The following ANK1 variants were observed in gnomAD, a reference collection of about 807,000 sequenced individuals.
ANK1 encodes the protein ankyrin 1, also known as ankyrin-1.
In ANK1, 51 loss-of-function variants were observed where a neutral mutation model predicts 210.4. The ratio of observed to expected loss-of-function variants is 0.24; its 90% CI spans 0.19 to 0.31. ANK1 has a LOEUF of 0.31. Among genes scored for constraint, ANK1 ranks in the 10% least tolerant of loss-of-function variants. The probability of loss-of-function intolerance (pLI) is 1.00; values close to 1 mark genes in which losing one functional copy is unlikely to be tolerated. For synonymous variants in ANK1, 967 were observed against 1,025.9 expected (o/e 0.94, Z 1.10); for missense variants, 2,051 against 2,504.4 (o/e 0.82, Z 3.86).
At chr8:41,869,616 A>G (rs1815101629) in intron 1 of ANK1, among the ~76,000 whole-genome samples, 2 of 152,144 alleles carry the variant, frequency 1.3e-5, no homozygotes, top group Admixed American at 6.5e-5. Flanking sequence ...GGCCTTGAAC[A>G]CTGACCAGGG....
At chr8:41,672,266 C>G in intron 38 of ANK1, 88 bp downstream of exon 38, 1 of 1,441,044 alleles carries the variant, frequency 6.9e-7, no homozygotes. Flanking sequence ...GGGTTGGCAT[C>G]GACACCTCTG....
At chr8:41,748,891 C>T (rs544204952) in intron 2 of ANK1, among the ~76,000 whole-genome samples, 10 of 152,138 alleles carry the variant, frequency 6.6e-5, no homozygotes, top group South Asian at 2.1e-4. Flanking sequence ...AAAAATTAGC[C>T]GGGCGTGGTG....
At chr8:41,889,811 G>A (rs867736862) in intron 1 of ANK1, among the ~76,000 whole-genome samples, 13 of 152,202 alleles carry the variant, frequency 8.5e-5, no homozygotes, top group African/African-American at 3.1e-4. Context: ...CTGATATACA[G>A]CACTGGTGCC....
chr8:41,673,164 T>C (rs1481993694), intron 37 of ANK1, among the ~76,000 whole-genome samples: 1 of 151,908 alleles, frequency 6.6e-6, no homozygotes, highest in Non-Finnish European at 1.5e-5. Flanking sequence ...GAGGCAGAGA[T>C]GGGGGAGCGC....
At position 41,715,039 on chromosome 8, in the gene ANK1, G is replaced by A. The variant is rs771419825; in HGVS notation, c.1638C>T (p.Tyr546=). Residue 546 remains tyrosine (Y), a synonymous_variant, in exon 15 of 43, where the codon TAC becomes TAT. Transcript: ENST00000289734. Reference sequence around the variant, plus strand: ...GCAGCTCTGCCACCCGCACCTTCCCGTACTTGGCCGCCACGTGCAGAGGGG... The same window carrying A: ...GCAGCTCTGCCACCCGCACCTTCCCATACTTGGCCGCCACGTGCAGAGGGG... The part of the protein sequence containing the change: ...GFTPLHVAAK[Y]GKVRVAELLL... The A allele has an allele frequency of 3.7e-5, 60 of 1,613,990 alleles. 1 individual carries two copies. The highest frequency in any genetic ancestry group is 1.6e-4 in the East Asian group (7 of 44,878).
chr8:41,746,123 G>A (rs997219617), intron 2 of ANK1, among the ~76,000 whole-genome samples: 5 of 152,318 alleles, frequency 3.3e-5, no homozygotes, highest in African/African-American at 9.6e-5. Flanking sequence ...AGGGAAACCC[G>A]CTGATGGGGG....
Position 41,696,863 on chromosome 8 carries a change from C to T in ANK1, c.2638-90G>A, listed in dbSNP as rs143553290. ...GCGTGGAGGCTTGGAAGAACCTTGC[C>T]GCTAGAAACCAGGTGCCACGTGGAG... On this transcript the variant is annotated intron_variant, in intron 24 of 42. Transcript: ENST00000289734. 906 of 1,260,728 alleles carry T rather than the reference C, an allele frequency of 7.2e-4. 3 individuals are homozygous for T. Among genetic ancestry groups the T allele is most frequent in the Middle Eastern group, 4.4e-3 (17 of 3,896 alleles). The allele number at this position is 1,260,728 out of a possible 1,614,324, so 78.1% of individuals were successfully genotyped here.
rs900877336 is a variant in ANK1, at chr8:41,723,314, C to T, written c.811-91G>A. On this transcript the variant is annotated intron_variant, in intron 8 of 42. Transcript: ENST00000289734. ...GACTGCCTATGGCATCATCCCAGCC[C>T]ACGCAAGTGCTGACGTTTCCTCAAG... 11 of 1,391,226 alleles carry T rather than the reference C, an allele frequency of 7.9e-6. No individual in the cohort carries two copies. In the East Asian group the frequency reaches 2.5e-4, roughly 32 times the overall value. The allele number at this position is 1,391,226 out of a possible 1,614,324, so 86.2% of individuals were successfully genotyped here.
chr8:41,797,851 G>A (rs1849097693), upstream of ANK1, among the ~76,000 whole-genome samples: 1 of 152,012 alleles, frequency 6.6e-6, no homozygotes, highest in African/African-American at 2.4e-5. This position sits in a 1 kb window ranked among gnomAD's most constrained non-coding sequence, Gnocchi z 4.0. Context: ...GGGGAGAGCT[G>A]AGTTCAGAGC....
chr8:41,844,294 TAAG>T (rs999271902), intron 1 of ANK1, among the ~76,000 whole-genome samples: 4 of 152,138 alleles, frequency 2.6e-5, no homozygotes, highest in Non-Finnish European at 4.4e-5. Flanking sequence ...CCTGGTCCAA[TAAG>T]GACAGTCAGA....
chr8:41,841,855 G>GC (rs1234612985), intron 1 of ANK1, among the ~76,000 whole-genome samples: 1 of 152,212 alleles, frequency 6.6e-6, no homozygotes, highest in Non-Finnish European at 1.5e-5. Context: ...ACCACCTGTG[G>GC]CCAGGACCCT....
intron 1 of ANK1, among the ~76,000 whole-genome samples, chr8:41,854,797 T>A (rs1022906385): frequency 6.6e-6 from 1 of 152,002 alleles, no homozygotes; most frequent in Non-Finnish European, 1.5e-5. Context: ...ATTGTTTTTT[T>A]AAATTAGTCA....
intron 1 of ANK1, among the ~76,000 whole-genome samples, chr8:41,774,431 A>T (rs1843586947): frequency 6.6e-6 from 1 of 152,218 alleles, no homozygotes; most frequent in African/African-American, 2.4e-5. Context: ...ACGTGCTATT[A>T]TAGCCCCTGT....
In ANK1 at chr8:41,791,635, G is replaced by A. The variant is rs542336966; in HGVS notation, c.27+5877C>T. 9.2e-5 allele frequency among the ~76,000 whole-genome samples: 14 copies of A among 152,232 alleles called. No individual in the cohort carries two copies. The South Asian group carries it at 2.7e-3, about 29-fold the overall frequency. ...TTAGGCAGGGATGGGGTTTCACCACGTTGACCAGGAGGGTCTTGATCTCTT... is the reference window on the plus strand; with the variant it reads ...TTAGGCAGGGATGGGGTTTCACCACATTGACCAGGAGGGTCTTGATCTCTT... On this transcript the variant is annotated intron_variant, in intron 1 of 42. Coordinates refer to ENST00000289734, the MANE Select transcript of ANK1 (RefSeq NM_000037.4).
At chr8:41,723,938 C>T (rs4595112) in intron 7 of ANK1, among the ~76,000 whole-genome samples, 3 of 151,470 alleles carry the variant, frequency 2.0e-5, no homozygotes, top group Middle Eastern at 3.4e-3. Flanking sequence ...TACAGGCACG[C>T]GCCACCATGC....
intron 1 of ANK1, among the ~76,000 whole-genome samples, chr8:41,865,276 AT>A (rs1814173677): frequency 6.6e-6 from 1 of 152,170 alleles, no homozygotes; most frequent in Non-Finnish European, 1.5e-5. Context: ...CAGGAACTGC[AT>A]TTGCTGAGCC....
In ANK1 at chr8:41,728,349, C is replaced by T. The variant is rs76754137; in HGVS notation, c.229-343G>A. ...AAGTCAAATACTGCATGTTCTCACT[C>T]GTAAGTATGAGCTACATAATGTGCA... On this transcript the variant is annotated intron_variant, in intron 3 of 42. Coordinates refer to ENST00000289734, the MANE Select transcript of ANK1 (RefSeq NM_000037.4). Among the ~76,000 whole-genome samples, 1,000 of 152,282 alleles carry T rather than the reference C, an allele frequency of 6.6e-3. 4 individuals are homozygous for T. Among genetic ancestry groups the T allele is most frequent in the Middle Eastern group, 0.01 (3 of 294 alleles).
chr8:41,722,982 ATAG>A, intron 9 of ANK1, 140 bp downstream of exon 9: 1 of 802,732 alleles, frequency 1.2e-6, no homozygotes, highest in Non-Finnish European at 2.1e-6. Context: ...CTCCTACGTG[ATAG>A]GCCTTGTAAT....
At chr8:41,865,606 CCTCCCCTCCTCTGATTCT>C in intron 1 of ANK1, among the ~76,000 whole-genome samples, 1 of 152,142 alleles carries the variant, frequency 6.6e-6, no homozygotes, top group East Asian at 1.9e-4. Context: ...CTGCTAACTC[CCTCCCCTCCTCTGATTCT>C]CTCCCCTCCT....
Sources: gnomAD v4.1 joint callset for allele counts (sites outside exome capture counted in the v4.1 genomes callset) on GRCh38, gnomAD v4.1.1 for gene constraint, Gnocchi (gnomAD v3.1) non-coding constraint, MANE v1.5 for transcripts, NCBI Gene and HGNC (gene_info 2026-07-23, HGNC 2026-07-21) for gene names.